TMEM132B: variants seen among roughly 807,000 people sequenced by gnomAD.
The protein encoded by TMEM132B is transmembrane protein 132B.
TMEM132B carries 18 observed loss-of-function variants against 90.8 expected under a neutral mutation model. The observed-to-expected ratio is 0.20, with a 90% confidence interval of 0.14 to 0.29. The LOEUF is 0.29. TMEM132B is among the 10% of genes least tolerant of loss of function. The probability of loss-of-function intolerance (pLI) is 1.00; values close to 1 mark genes in which losing one functional copy is unlikely to be tolerated. For missense variants in TMEM132B, 1,096 were observed against 1,326.8 expected (o/e 0.83, Z 2.70); for synonymous variants, 504 against 523.3 (o/e 0.96, Z 0.50).
intron 1 of TMEM132B, among the ~76,000 whole-genome samples, chr12:125,320,342 A>G (rs1049943569): frequency 6.6e-6 from 1 of 152,220 alleles, no homozygotes; most frequent in African/African-American, 2.4e-5. Flanking sequence ...GTCCCAAGTG[A>G]TTCATTCTTA....
At chr12:125,247,826 C>T (rs1874239410) in intron 1 of TMEM132B, among the ~76,000 whole-genome samples, 1 of 152,226 alleles carries the variant, frequency 6.6e-6, no homozygotes. Context: ...GTGCCGCCCC[C>T]ACCTCCAGAT....
At chr12:125,638,783 T>C (rs1288003041) in intron 5 of TMEM132B, among the ~76,000 whole-genome samples, 3 of 152,210 alleles carry the variant, frequency 2.0e-5, no homozygotes, top group African/African-American at 7.2e-5. Context: ...GAACATGAAG[T>C]AAATGATGTG....
chr12:125,371,586 A>T (rs1878293307), intron 2 of TMEM132B, among the ~76,000 whole-genome samples: 1 of 152,074 alleles, frequency 6.6e-6, no homozygotes, highest in Admixed American at 6.6e-5. Flanking sequence ...ACTTTTTACC[A>T]CCCACTTAAG....
intron 5 of TMEM132B, 79 bp downstream of exon 5, chr12:125,584,073 T>C (rs1280428874): frequency 6.2e-7 from 1 of 1,600,320 alleles, no homozygotes; most frequent in Non-Finnish European, 8.5e-7. Flanking sequence ...AAGGTCTTGT[T>C]CTCACTGAGC....
chr12:125,393,184 C>T (rs901671379), intron 2 of TMEM132B, among the ~76,000 whole-genome samples: 1 of 152,198 alleles, frequency 6.6e-6, no homozygotes, highest in Non-Finnish European at 1.5e-5. Flanking sequence ...CCTGGCATTT[C>T]AATCACAGGG....
At chr12:125,304,119 C>T (rs899781680) in intron 1 of TMEM132B, among the ~76,000 whole-genome samples, 8 of 152,236 alleles carry the variant, frequency 5.3e-5, no homozygotes, top group Non-Finnish European at 7.3e-5. Flanking sequence ...CTAGATCCCT[C>T]GCATGCGCAG....
At chr12:125,299,605 C>G (rs1875765989) in intron 1 of TMEM132B, among the ~76,000 whole-genome samples, 1 of 152,214 alleles carries the variant, frequency 6.6e-6, no homozygotes, top group Non-Finnish European at 1.5e-5. Context: ...TTTGGTCTCC[C>G]CATCCCAGAA....
Position 125,492,102 on chromosome 12 carries a change from C to T in TMEM132B, c.1107-27337C>T, listed in dbSNP as rs1882368193. Among the ~76,000 whole-genome samples the T allele has an allele frequency of 6.6e-6, 1 of 152,078 alleles. No homozygotes were observed. Among genetic ancestry groups the T allele is most frequent in the South Asian group, 2.1e-4 (1 of 4,814 alleles). On this transcript the variant is annotated intron_variant, in intron 3 of 8. Transcript: ENST00000682704. This position sits in a 1 kb window ranked among gnomAD's most constrained non-coding sequence, Gnocchi z 5.8. ...TACTGCTTATGTGGAGTGAAAGTGG[C>T]CCATGTCATGGGGATCTGGGTTTCT...
chr12:125,294,521 G>A (rs55752925), intron 1 of TMEM132B, among the ~76,000 whole-genome samples: 36,726 of 152,154 alleles, frequency 0.24, 4,729 homozygotes, highest in Non-Finnish European at 0.28. Flanking sequence ...ATGGGGACAT[G>A]GTTCCTTGAT....
chr12:125,433,887 T>C (rs1880619896), intron 3 of TMEM132B, among the ~76,000 whole-genome samples: 3 of 152,194 alleles, frequency 2.0e-5, no homozygotes, highest in Non-Finnish European at 4.4e-5. Flanking sequence ...TCCTTTCGTA[T>C]GTGTTATTTC....
intron 4 of TMEM132B, among the ~76,000 whole-genome samples, chr12:125,532,315 A>G (rs539058505): frequency 9.8e-5 from 15 of 152,316 alleles, no homozygotes. Flanking sequence ...ACAAATTTTT[A>G]AAGACTCTGT....
chr12:125,467,350 T>G (rs1335624955), intron 3 of TMEM132B, among the ~76,000 whole-genome samples: 2 of 152,182 alleles, frequency 1.3e-5, no homozygotes, highest in South Asian at 2.1e-4. Flanking sequence ...GAAGCCCTAT[T>G]AGATACATCA....
chr12:125,411,481 T>G (rs1879837582), intron 2 of TMEM132B, among the ~76,000 whole-genome samples: 1 of 151,864 alleles, frequency 6.6e-6, no homozygotes, highest in South Asian at 2.1e-4. Flanking sequence ...ACCTGCACGT[T>G]CAGCACATGT....
chr12:125,554,267 C>CA lies in TMEM132B; in HGVS notation c.1294-29576dup, dbSNP rs564329894. Among the ~76,000 whole-genome samples the CA allele has an allele frequency of 6.4e-3, 963 of 150,130 alleles. 15 individuals carry two copies. The highest frequency in any genetic ancestry group is 0.022 in the African/African-American group (914 of 40,886). Reference sequence around the variant, plus strand: ...TGAAACCCTGTCTCTACTAAAAATACAAAAAAAATTAGCCTGGCATGGTGG... The same window carrying CA: ...TGAAACCCTGTCTCTACTAAAAATACAAAAAAAAATTAGCCTGGCATGGTGG... On this transcript the variant is annotated intron_variant, in intron 4 of 8. Transcript: ENST00000682704.
chr12:125,196,668 A>G (rs1329421041), intron 1 of TMEM132B, among the ~76,000 whole-genome samples: 4 of 152,238 alleles, frequency 2.6e-5, no homozygotes, highest in Admixed American at 1.3e-4. Flanking sequence ...AGATCATGCC[A>G]CTGCACTCCA....
intron 3 of TMEM132B, among the ~76,000 whole-genome samples, chr12:125,462,025 T>C (rs1415690936): frequency 6.6e-6 from 1 of 152,222 alleles, no homozygotes; most frequent in African/African-American, 2.4e-5. Flanking sequence ...CTGTGATTCA[T>C]GGAATATGCT....
intron 1 of TMEM132B, among the ~76,000 whole-genome samples, chr12:125,318,294 T>G (rs1383079456): frequency 6.6e-6 from 1 of 150,576 alleles, no homozygotes. Flanking sequence ...TCACCTGTGT[T>G]TGCAGTGACC....
intron 3 of TMEM132B, among the ~76,000 whole-genome samples, chr12:125,453,571 A>T (rs1881212682): frequency 6.6e-6 from 1 of 152,210 alleles, no homozygotes; most frequent in East Asian, 1.9e-4. Flanking sequence ...AAAGTAAATT[A>T]TACATTGAAA....
intron 2 of TMEM132B, among the ~76,000 whole-genome samples, chr12:125,377,960 G>A (rs982824513): frequency 2.6e-5 from 4 of 152,116 alleles, no homozygotes; most frequent in African/African-American, 9.7e-5. Context: ...CATGTGAAGG[G>A]GGTTTCAAGA....
Sources: allele counts gnomAD v4.1 joint callset (sites outside exome capture counted in the v4.1 genomes callset), GRCh38; gene constraint gnomAD v4.1.1; non-coding constraint Gnocchi (gnomAD v3.1); transcripts MANE v1.5; gene names NCBI Gene and HGNC (gene_info 2026-07-23, HGNC 2026-07-21).